The following JMJD1C variants were observed in gnomAD, a reference collection of about 807,000 sequenced individuals.
JMJD1C encodes the protein jumonji domain containing 1C.
Under a neutral mutation model 245.3 loss-of-function variants are expected in JMJD1C, and 31 were observed. The observed-to-expected ratio is 0.13, with a 90% CI of 0.09 to 0.17. The LOEUF is 0.17. Among genes scored for constraint, JMJD1C ranks in the 10% least tolerant of loss-of-function variants. The probability of loss-of-function intolerance (pLI) is 1.00; values close to 1 mark genes in which losing one functional copy is unlikely to be tolerated. For synonymous variants in JMJD1C, 1,057 were observed against 1,017.4 expected (o/e 1.04, Z -0.74); for missense variants, 2,691 against 3,000.2 (o/e 0.90, Z 2.41).
intron 10 of JMJD1C, among the ~76,000 whole-genome samples, chr10:63,206,139 C>T (rs1298484351): frequency 6.6e-6 from 1 of 152,132 alleles, no homozygotes; most frequent in Non-Finnish European, 1.5e-5. Flanking sequence ...ACAACTGTAA[C>T]TATCTTCTAG....
At chr10:63,412,896 T>C (rs1441073690) in intron 1 of JMJD1C, among the ~76,000 whole-genome samples, 2 of 152,200 alleles carry the variant, frequency 1.3e-5, no homozygotes, top group Non-Finnish European at 2.9e-5. Context: ...TATTTAAAAG[T>C]ATCTGCATAT....
chr10:63,316,673 C>T (rs956660735), intron 2 of JMJD1C, among the ~76,000 whole-genome samples: 1 of 152,186 alleles, frequency 6.6e-6, no homozygotes, highest in Non-Finnish European at 1.5e-5. Context: ...GTCTTGAACT[C>T]CTGACCTCAG....
chr10:63,426,249 G>A (rs1201157640), intron 1 of JMJD1C, among the ~76,000 whole-genome samples: 1 of 151,948 alleles, frequency 6.6e-6, no homozygotes, highest in African/African-American at 2.4e-5. Flanking sequence ...GTGTGGTGGT[G>A]CATACTGGTA....
In JMJD1C at chr10:63,213,460, C is replaced by T; in HGVS notation, c.2694+13G>A. The stretch of plus-strand genomic sequence containing the variant: ...ATATATACTGCTATGTGGCAAACTA[C>T]AGTGTAACTTACCCTCCTTAATGAA... On this transcript the variant is annotated intron_variant, in intron 8 of 25. Transcript: ENST00000399262. 3.4e-6 allele frequency: 5 copies of T among 1,489,894 alleles called. No homozygotes were observed. The highest frequency in any genetic ancestry group is 4.6e-6 in the Non-Finnish European group (5 of 1,077,654). 92.3% of individuals were successfully genotyped at this position (1,489,894 alleles called of 1,614,324 possible). A position where few individuals can be genotyped will look rare whatever the true frequency, so the allele number is the denominator to read the frequency against.
At chr10:63,222,430 C>T in intron 3 of JMJD1C, 1 of 918,008 alleles carries the variant, frequency 1.1e-6, no homozygotes, top group Admixed American at 1.7e-5. Context: ...CTGATCTTTA[C>T]TTAAAGGAGT....
At chr10:63,337,391 G>A (rs1025433544) in intron 2 of JMJD1C, among the ~76,000 whole-genome samples, 8 of 137,880 alleles carry the variant, frequency 5.8e-5, no homozygotes, top group Admixed American at 3.1e-4. Flanking sequence ...GCAGTGAGCC[G>A]AGGTCTTGCC....
At chr10:63,259,403 A>G (rs922907345) in intron 3 of JMJD1C, among the ~76,000 whole-genome samples, 4 of 150,608 alleles carry the variant, frequency 2.7e-5, no homozygotes, top group African/African-American at 9.7e-5. Context: ...CAGTAACACA[A>G]ATTTAGGAGA....
chr10:63,491,902 G>A (rs1444982855), intron 1 of JMJD1C, among the ~76,000 whole-genome samples: 1 of 152,234 alleles, frequency 6.6e-6, no homozygotes, highest in African/African-American at 2.4e-5. Context: ...TTCAGAAACA[G>A]CTATTTGTCA....
At chr10:63,488,172 A>G (rs962212586) in intron 1 of JMJD1C, among the ~76,000 whole-genome samples, 1 of 152,178 alleles carries the variant, frequency 6.6e-6, no homozygotes, top group Non-Finnish European at 1.5e-5. Context: ...CAAAGTACAC[A>G]CAGCCTCAGT....
chr10:63,429,214 G>A (rs1349978586), intron 1 of JMJD1C, among the ~76,000 whole-genome samples: 3 of 151,974 alleles, frequency 2.0e-5, no homozygotes, highest in Non-Finnish European at 4.4e-5. Flanking sequence ...CCTGACCTCA[G>A]GTGATCCACC....
At chr10:63,471,158 C>T (rs1953480871) in intron 1 of JMJD1C, among the ~76,000 whole-genome samples, 1 of 152,132 alleles carries the variant, frequency 6.6e-6, no homozygotes, top group African/African-American at 2.4e-5. Flanking sequence ...CCAAAAGGGT[C>T]GTGTTCTTAT....
At chr10:63,235,446 G>A (rs534294665) in intron 3 of JMJD1C, among the ~76,000 whole-genome samples, 25 of 152,246 alleles carry the variant, frequency 1.6e-4, no homozygotes, top group African/African-American at 5.8e-4. Context: ...GCAGTGAGCC[G>A]AGGTTGTGCC....
intron 3 of JMJD1C, among the ~76,000 whole-genome samples, chr10:63,253,387 CTTT>C (rs199689399): frequency 6.9e-6 from 1 of 143,984 alleles, no homozygotes. Context: ...TATATTACAC[CTTT>C]TTTTTTTTTT....
chr10:63,214,870 G>T lies in JMJD1C; in HGVS notation c.1297C>A (p.Pro433Thr), dbSNP rs544541157. 1.2e-6 allele frequency: 2 copies of T among 1,613,900 alleles called. No individual in the cohort carries two copies. The highest frequency in any genetic ancestry group is 2.7e-5 in the African/African-American group (2 of 74,982). Reference sequence around the variant, plus strand: ...TTATCTTCCTGTATTTGATCCCAGGGAGGCTGGCTATTTTTTAGGGTCTCT... The same window carrying T: ...TTATCTTCCTGTATTTGATCCCAGGTAGGCTGGCTATTTTTTAGGGTCTCT... ...GEETLKNSQPPWDQIQEDKKH... is the reference protein window; with the variant it reads ...GEETLKNSQPTWDQIQEDKKH... The change falls in exon 8 of 26, where the codon CCC becomes ACC. Residue 433 changes from proline to threonine, a missense_variant. Transcript: ENST00000399262.
intron 1 of JMJD1C, among the ~76,000 whole-genome samples, chr10:63,441,422 T>C (rs141503471): frequency 3.3e-4 from 50 of 152,308 alleles, no homozygotes; most frequent in Non-Finnish European, 6.5e-4. Flanking sequence ...GAAATAATAG[T>C]AGTAATGAAC....
intron 2 of JMJD1C, among the ~76,000 whole-genome samples, chr10:63,360,688 C>T (rs1350590844): frequency 2.0e-5 from 3 of 152,052 alleles, no homozygotes; most frequent in African/African-American, 7.2e-5. Context: ...TGATGGCATG[C>T]TTATATTATA....
At chr10:63,368,786 A>C (rs918847352) in intron 2 of JMJD1C, among the ~76,000 whole-genome samples, 1 of 152,094 alleles carries the variant, frequency 6.6e-6, no homozygotes, top group Admixed American at 6.6e-5. Flanking sequence ...TCCCAGGTTC[A>C]AGCGATTTTC....
chr10:63,211,847 A>AC (rs1847392981), intron 8 of JMJD1C, among the ~76,000 whole-genome samples: 8 of 135,572 alleles, frequency 5.9e-5, no homozygotes, highest in African/African-American at 1.6e-4. Context: ...AAAAAAAAAA[A>AC]CCCCACAAAA....
intron 23 of JMJD1C, 163 bp from the exon 24 acceptor site, chr10:63,176,636 T>C (rs966052137): frequency 8.1e-6 from 5 of 613,932 alleles, no homozygotes; most frequent in Non-Finnish European, 1.4e-5. Flanking sequence ...CTGCAATAAT[T>C]TGGAAAGCCA....
Sources: gnomAD v4.1 joint callset for allele counts (sites outside exome capture counted in the v4.1 genomes callset) on GRCh38, gnomAD v4.1.1 for gene constraint, MANE v1.5 for transcripts, NCBI Gene and HGNC (gene_info 2026-07-23, HGNC 2026-07-21) for gene names.